Variants in PRSS38 observed in about 807,000 individuals in gnomAD.
PRSS38 encodes the protein serine protease 38.
PRSS38 carries 22 observed loss-of-function variants against 26.8 expected under a neutral mutation model. That is an observed-to-expected ratio of 0.82 (90% CI 0.59 to 1.17). The LOEUF (loss-of-function observed/expected upper bound fraction) is 1.17, where lower values mean the gene tolerates loss of function less well. Ranked by LOEUF, PRSS38 falls within the 50% of genes most tolerant of loss-of-function variation. The pLI is 0.00. For missense variants in PRSS38, 427 were observed against 422.7 expected (o/e 1.01, Z -0.09); for synonymous variants, 175 against 172.1 (o/e 1.02, Z -0.13).
intron 3 of PRSS38, among the ~76,000 whole-genome samples, chr1:227,821,660 C>T (rs1335041670): frequency 6.6e-6 from 1 of 152,166 alleles, no homozygotes; most frequent in East Asian, 1.9e-4. Context: ...TACATCATAA[C>T]ACTGTCTTCT....
At chr1:227,827,148 A>T (rs1158285136) in intron 3 of PRSS38, among the ~76,000 whole-genome samples, 1 of 151,922 alleles carries the variant, frequency 6.6e-6, no homozygotes, top group East Asian at 1.9e-4. Flanking sequence ...TGTTGTGGTC[A>T]TTGTAGTATC....
chr1:227,815,921 G>C (rs1664904786), intron 1 of PRSS38, 57 bp downstream of exon 1: 1 of 1,546,478 alleles, frequency 6.5e-7, no homozygotes, highest in Non-Finnish European at 8.8e-7. Context: ...TGGGGCGTCT[G>C]TCGGTGCTGG....
chr1:227,817,103 C>G (rs375636043), intron 2 of PRSS38, 106 bp from the exon 3 acceptor site: 1 of 1,226,780 alleles, frequency 8.2e-7, no homozygotes. Flanking sequence ...ACTGGCTTTT[C>G]AATCCCACCG....
At position 227,839,432 on chromosome 1, in the gene PRSS38, TGCAC is replaced by T. The variant is rs200443933; in HGVS notation, c.584-6037_584-6034del. ...CTGCAGTGAGCCATAATCACACCAC[TGCAC>T]TCCAGCCTGTAACAGGGCAAGAGCC... is the stretch of plus-strand genomic sequence containing the variant. On this transcript the variant is annotated intron_variant, in intron 3 of 4. Coordinates refer to ENST00000366757, the Ensembl canonical transcript of PRSS38. Among the ~76,000 whole-genome samples the T allele has an allele frequency of 8.8e-3, 1,316 of 149,782 alleles. 25 individuals carry two copies. The highest frequency in any genetic ancestry group is 0.031 in the African/African-American group (1,265 of 40,566).
Position 227,832,367 on chromosome 1 carries a change from C to T in PRSS38, c.584-13103C>T, listed in dbSNP as rs562910983. On this transcript the variant is annotated intron_variant, in intron 3 of 4. Transcript: ENST00000366757. ...TGTTTTCTATATACCTATATACTCT[C>T]TTTCCTCTATTCATTTTTCCATGCC... Among the ~76,000 whole-genome samples, 5 of 152,268 alleles carry T rather than the reference C, an allele frequency of 3.3e-5. No individual in the cohort carries two copies. In the South Asian group the frequency reaches 6.2e-4, roughly 19 times the overall value.
intron 3 of PRSS38, among the ~76,000 whole-genome samples, chr1:227,823,324 CATATA>C (rs1193787757): frequency 6.6e-6 from 1 of 151,146 alleles, no homozygotes; most frequent in Non-Finnish European, 1.5e-5. Flanking sequence ...TTTATTTATA[CATATA>C]ATATAAAATA....
chr1:227,836,380 CA>C lies in PRSS38; in HGVS notation c.584-9084del, dbSNP rs112212731. Reference sequence around the variant, plus strand: ...ACAGGTGTGAGCCACCACACCAAGCCAAAAAAGTTTTTAATAAAAGCTTCCG... The same window carrying C: ...ACAGGTGTGAGCCACCACACCAAGCCAAAAAGTTTTTAATAAAAGCTTCCG... On this transcript the variant is annotated intron_variant, in intron 3 of 4. Transcript: ENST00000366757. Among the ~76,000 whole-genome samples, 457 of 147,118 alleles carry C rather than the reference CA, an allele frequency of 3.1e-3. 7 individuals carry two copies. The highest frequency in any genetic ancestry group is 0.011 in the African/African-American group (423 of 37,268).
chr1:227,830,530 T>C (rs1572085785), intron 3 of PRSS38, among the ~76,000 whole-genome samples: 1 of 146,548 alleles, frequency 6.8e-6, no homozygotes, highest in African/African-American at 2.5e-5. Context: ...TGAGATGGAG[T>C]TTTGCTCTTG....
chr1:227,845,558 C>T (rs1665415909), exon 4 of PRSS38: 1 of 1,613,760 alleles, frequency 6.2e-7, no homozygotes, highest in Non-Finnish European at 8.5e-7. Flanking sequence ...TGTCCTACAT[C>T]ATGCCCGACA....
intron 3 of PRSS38, among the ~76,000 whole-genome samples, chr1:227,843,229 A>G (rs2102686315): frequency 6.6e-6 from 1 of 152,354 alleles, no homozygotes; most frequent in East Asian, 1.9e-4. Context: ...ACGATGCTCC[A>G]GTCAAGGCCA....
At chr1:227,840,303 G>T (rs1473056060) in intron 3 of PRSS38, among the ~76,000 whole-genome samples, 1 of 151,884 alleles carries the variant, frequency 6.6e-6, no homozygotes, top group East Asian at 1.9e-4. Context: ...TGTATTTTTT[G>T]TAGAGATGGG....
intron 4 of PRSS38, among the ~76,000 whole-genome samples, 170 bp downstream of exon 4, chr1:227,845,782 TC>T (rs1375375869): frequency 1.3e-5 from 2 of 152,146 alleles, no homozygotes; most frequent in Middle Eastern, 3.2e-3. Flanking sequence ...GCAGCAGGCC[TC>T]CCCTGCAACT....
chr1:227,815,909 C>G (rs1049757038), intron 1 of PRSS38, 45 bp downstream of exon 1: 4 of 1,560,578 alleles, frequency 2.6e-6, no homozygotes, highest in South Asian at 1.2e-5. Flanking sequence ...AGACAGTGCC[C>G]TTGGGGCGTC....
chr1:227,846,386 G>C (rs568618736), exon 5 of PRSS38: 2 of 767,654 alleles, frequency 2.6e-6, no homozygotes, highest in East Asian at 5.3e-5. Context: ...AAAAAGGGAA[G>C]GGGGAGAGGG....
At chr1:227,845,510 G>T in exon 4 of PRSS38, 1 of 1,613,076 alleles carries the variant, frequency 6.2e-7, no homozygotes. Flanking sequence ...AGCTCCCGCT[G>T]ATCCTGGAGC....
rs553092144 is a variant in PRSS38, at chr1:227,833,289, A to C, written c.584-12181A>C. ...ACACCTGTAATCCCAGCACTTTGGG[A>C]GGCCGAGGTGGGCAGATCACCTGAG... On this transcript the variant is annotated intron_variant, in intron 3 of 4. Coordinates refer to ENST00000366757, the Ensembl canonical transcript of PRSS38. Among the ~76,000 whole-genome samples, 52 of 152,344 alleles carry C rather than the reference A, an allele frequency of 3.4e-4. 1 individual carries two copies. Among genetic ancestry groups the C allele is most frequent in the Middle Eastern group, 6.8e-3 (2 of 294 alleles).
intron 3 of PRSS38, among the ~76,000 whole-genome samples, chr1:227,837,242 C>G (rs892198149): frequency 6.6e-6 from 1 of 152,246 alleles, no homozygotes; most frequent in Admixed American, 6.5e-5. Context: ...AACTTCCAGT[C>G]TCCCCAGGTG....
intron 3 of PRSS38, among the ~76,000 whole-genome samples, chr1:227,843,845 C>T (rs1173980302): frequency 1.3e-5 from 2 of 151,910 alleles, no homozygotes; most frequent in African/African-American, 4.8e-5. Flanking sequence ...CAAGGTGAAA[C>T]CCTATCTCTA....
chr1:227,826,476 G>C (rs190286789), intron 3 of PRSS38, among the ~76,000 whole-genome samples: 260 of 152,322 alleles, frequency 1.7e-3, no homozygotes, highest in African/African-American at 5.9e-3. Flanking sequence ...CACTTTGGGA[G>C]GTTGAGGCGG....
Sources: gnomAD v4.1 joint callset for allele counts (sites outside exome capture counted in the v4.1 genomes callset) on GRCh38, gnomAD v4.1.1 for gene constraint, MANE v1.5 for transcripts, NCBI Gene and HGNC (gene_info 2026-07-23, HGNC 2026-07-21) for gene names.